Variants in CABIN1 observed in about 807,000 individuals in gnomAD.
CABIN1 encodes calcineurin binding protein 1, also known as calcineurin-binding protein cabin-1.
Under a neutral mutation model 227.7 loss-of-function variants are expected in CABIN1, and 133 were observed. The observed-to-expected ratio is 0.58, with a 90% confidence interval of 0.51 to 0.67. The LOEUF is 0.67. Among genes scored for constraint, CABIN1 ranks in the 30% least tolerant of loss-of-function variants. The pLI is 0.00. For missense variants in CABIN1, 2,408 were observed against 2,852.5 expected, an observed-to-expected ratio of 0.84 and a Z score of 3.55; for synonymous variants, 1,086 against 1,155.1, an observed-to-expected ratio of 0.94 and a Z score of 1.21.
chr22:24,113,694 A>C lies in CABIN1; in HGVS notation c.4246A>C (p.Ser1416Arg). The change falls in exon 27 of 37, where the codon AGT (serine) becomes CGT (arginine). Residue 1416 changes from serine to arginine, a missense_variant. Ser to Arg is a moderately radical substitution (Grantham distance 110). Transcript: ENST00000263119. The stretch of plus-strand genomic sequence containing the variant: ...CACAGAGAAGAGGCTGCCCATTCTC[A>C]GTTCCCAAGCAGGAGCGACGGGTAA... ...SYTEKRLPIL[S>R]SQAGATGKDL... 6.2e-7 allele frequency: 1 copy of C among 1,614,016 alleles called. No individual in the cohort carries two copies.
rs937855578 is a variant in CABIN1, at chr22:24,177,526, G to A, written c.6228G>A (p.Pro2076=). The change falls in exon 36 of 37, where the codon CCG becomes CCA. Residue 2076 remains proline, a synonymous_variant. Transcript: ENST00000263119. This position sits in a 1 kb window ranked among gnomAD's most constrained non-coding sequence, Gnocchi z 4.4. The stretch of plus-strand genomic sequence containing the variant: ...CAGAGGGGAAACTGAGGCCTGAGCC[G>A]AGAAGGGATGGGGAGGCTCAGGAGG... ...CSQEGKLRPE[P]RRDGEAQEAA... 1.5e-5 allele frequency: 23 copies of A among 1,545,690 alleles called. No homozygotes were observed. The highest frequency in any genetic ancestry group is 1.9e-5 in the Non-Finnish European group (22 of 1,143,988).
intron 29 of CABIN1, among the ~76,000 whole-genome samples, chr22:24,140,999 G>A (rs950440506): frequency 2.6e-5 from 4 of 152,186 alleles, no homozygotes; most frequent in African/African-American, 9.7e-5. Flanking sequence ...TAAGCAGAGT[G>A]GTCCCGACAG....
At position 24,055,113 on chromosome 22, in the gene CABIN1, C is replaced by G; in HGVS notation, c.1047C>G (p.Ser349Arg). ...VVSYTSVATT[S>R]FPLHSPGLLE... ...CCTACACCTCTGTGGCTACAACCAG[C>G]TTCCCACTGCACAGTCCTGGTCTGT... The change falls in exon 9 of 37, where the codon AGC becomes AGG. Residue 349 changes from serine (S) to arginine (R), a missense_variant. This residue lies in a region of CABIN1 where 1,045 missense variants were observed against 1,168.4 expected (regional missense o/e 0.89). Coordinates refer to ENST00000263119, the MANE Select transcript of CABIN1 (RefSeq NM_012295.4). 1 of 1,613,984 alleles carries G rather than the reference C, an allele frequency of 6.2e-7. No individual in the cohort carries two copies. The highest frequency in any genetic ancestry group is 1.1e-5 in the South Asian group (1 of 91,088).
intron 29 of CABIN1, among the ~76,000 whole-genome samples, chr22:24,147,971 G>A (rs2045255104): frequency 6.6e-6 from 1 of 152,210 alleles, no homozygotes. Flanking sequence ...CAGAGTCTGG[G>A]TGTGAGCAGG....
intron 1 of CABIN1, among the ~76,000 whole-genome samples, chr22:24,024,764 G>A (rs747475447): frequency 1.3e-5 from 2 of 151,296 alleles, no homozygotes; most frequent in Non-Finnish European, 2.9e-5. Flanking sequence ...CTTCACATTC[G>A]CTGACCATTT....
chr22:24,077,115 C>T (rs182023754), intron 19 of CABIN1, among the ~76,000 whole-genome samples: 97 of 152,284 alleles, frequency 6.4e-4, no homozygotes, highest in South Asian at 5.0e-3. Context: ...TTGCCATCAC[C>T]TGCTCTATAC....
At chr22:24,111,312 G>T (rs1377467654) in intron 26 of CABIN1, among the ~76,000 whole-genome samples, 1 of 152,184 alleles carries the variant, frequency 6.6e-6, no homozygotes, top group Non-Finnish European at 1.5e-5. Context: ...TCACAGACTG[G>T]TACCAGTCCG....
Position 24,178,315 on chromosome 22 carries a change from C to G in CABIN1, c.*119C>G, listed in dbSNP as rs1451083719. 3.1e-6 allele frequency: 4 copies of G among 1,276,086 alleles called. No homozygotes were observed. Among genetic ancestry groups the G allele is most frequent in the Non-Finnish European group, 4.4e-6 (4 of 917,806 alleles). The allele number at this position is 1,276,086 out of a possible 1,614,324, so 79.0% of individuals were successfully genotyped here. ...TGGATGCCACTCCCCACACAGCCCC[C>G]AGGCCTGCCCAGCCCACCTCCTCAT... is the stretch of plus-strand genomic sequence containing the variant. On this transcript the variant is annotated 3_prime_UTR_variant, in exon 37 of 37. Coordinates refer to ENST00000263119, the MANE Select transcript of CABIN1 (RefSeq NM_012295.4).
At chr22:24,167,684 T>C (rs1011642061) in intron 32 of CABIN1, among the ~76,000 whole-genome samples, 3 of 152,230 alleles carry the variant, frequency 2.0e-5, no homozygotes, top group African/African-American at 7.2e-5. Flanking sequence ...TTTTTAAACA[T>C]TTTATTTTAA....
intron 8 of CABIN1, among the ~76,000 whole-genome samples, chr22:24,052,000 GC>G (rs1298264367): frequency 6.6e-6 from 1 of 152,066 alleles, no homozygotes; most frequent in Non-Finnish European, 1.5e-5. Flanking sequence ...CCTGTCTGGT[GC>G]CCTTTCTTGT....
intron 19 of CABIN1, among the ~76,000 whole-genome samples, chr22:24,078,982 G>A (rs1315702662): frequency 2.0e-5 from 3 of 151,968 alleles, no homozygotes. Context: ...CTTGCAGCTT[G>A]CTTTTATTTT....
At position 24,156,172 on chromosome 22, in the gene CABIN1, T is replaced by G. The variant is rs1447598825; in HGVS notation, c.4747-8228T>G. On this transcript the variant is annotated intron_variant, in intron 29 of 36. Coordinates refer to ENST00000263119, the MANE Select transcript of CABIN1 (RefSeq NM_012295.4). ...GCTTCGCCTCCGCTGCCCGTCTGGG[T>G]CTCCACTTTGCTGGCGCTTTTGCTC... 3.0e-4 allele frequency: 118 copies of G among 392,324 alleles called. 1 individual carries two copies. In the East Asian group the frequency reaches 4.3e-3, roughly 14 times the overall value. The allele number at this position is 392,324 out of a possible 1,614,324, so 24.3% of individuals were successfully genotyped here. A position where few individuals can be genotyped will look rare whatever the true frequency, so the allele number is the denominator to read the frequency against.
intron 29 of CABIN1, among the ~76,000 whole-genome samples, chr22:24,150,972 G>C (rs1435913761): frequency 6.6e-6 from 1 of 152,202 alleles, no homozygotes; most frequent in African/African-American, 2.4e-5. Context: ...TAGTTTGGGG[G>C]TGACTCTGTA....
At chr22:24,155,824 T>C (rs1011624280) in intron 29 of CABIN1, 7 of 419,328 alleles carry the variant, frequency 1.7e-5, no homozygotes, top group Non-Finnish European at 2.5e-5. Context: ...CTTCCTGCAG[T>C]GAGAGCTGCA....
intron 29 of CABIN1, among the ~76,000 whole-genome samples, chr22:24,155,659 G>A (rs1328902791): frequency 6.6e-6 from 1 of 152,204 alleles, no homozygotes; most frequent in Non-Finnish European, 1.5e-5. Flanking sequence ...ACTTCTGCCT[G>A]CCACAGGGCA....
At chr22:24,107,434 T>G (rs2042577148) in intron 26 of CABIN1, among the ~76,000 whole-genome samples, 1 of 152,190 alleles carries the variant, frequency 6.6e-6, no homozygotes, top group South Asian at 2.1e-4. Context: ...CAAAGTGTAG[T>G]CAGCAGCCTT....
chr22:24,049,331 C>G, intron 7 of CABIN1, 111 bp downstream of exon 7: 2 of 1,356,640 alleles, frequency 1.5e-6, no homozygotes, highest in Non-Finnish European at 2.1e-6. Flanking sequence ...CCCCTGTGCT[C>G]TGGGGCTTCA....
At chr22:24,138,125 G>A (rs554259466) in intron 29 of CABIN1, among the ~76,000 whole-genome samples, 16 of 152,348 alleles carry the variant, frequency 1.1e-4, no homozygotes, top group African/African-American at 3.8e-4. Context: ...TGGGGGGCAC[G>A]TGCCTTCTGT....
chr22:24,123,395 T>G (rs1242730752), intron 28 of CABIN1, among the ~76,000 whole-genome samples: 2 of 152,182 alleles, frequency 1.3e-5, no homozygotes, highest in Admixed American at 6.5e-5. Flanking sequence ...GCTCTGCAGG[T>G]GCCAAGTGTG....
Sources: allele counts gnomAD v4.1 joint callset (sites outside exome capture counted in the v4.1 genomes callset), GRCh38; gene constraint gnomAD v4.1.1; regional missense constraint gnomAD v4.1.1; non-coding constraint Gnocchi (gnomAD v3.1); transcripts MANE v1.5; gene names NCBI Gene and HGNC (gene_info 2026-07-23, HGNC 2026-07-21).